The following MYT1L variants were observed in gnomAD, a reference collection of about 807,000 sequenced individuals.
MYT1L encodes the protein myelin transcription factor 1-like protein.
MYT1L carries 12 observed loss-of-function variants against 126.7 expected under a neutral mutation model. That is an observed-to-expected ratio of 0.09 (90% CI 0.06 to 0.15). The LOEUF (loss-of-function observed/expected upper bound fraction) is 0.15. MYT1L is among the 10% of genes least tolerant of loss of function. The pLI is 1.00. For synonymous variants in MYT1L, 541 were observed against 604.2 expected, an observed-to-expected ratio of 0.90 and a Z score of 1.53; for missense variants, 979 against 1,585.2, an observed-to-expected ratio of 0.62 and a Z score of 6.49.
At chr2:1,883,167 A>G (rs527378747) in intron 18 of MYT1L, among the ~76,000 whole-genome samples, 1 of 152,322 alleles carries the variant, frequency 6.6e-6, no homozygotes, top group South Asian at 2.1e-4. Flanking sequence ...TCGTGGTATT[A>G]TAAGATAAAG....
chr2:1,933,741 T>C (rs907767649), intron 9 of MYT1L, among the ~76,000 whole-genome samples: 7 of 152,122 alleles, frequency 4.6e-5, no homozygotes, highest in African/African-American at 1.7e-4. Flanking sequence ...AGGTGTGCTA[T>C]AGAAGGTGAC....
At chr2:2,006,730 C>T (rs538206496) in intron 4 of MYT1L, among the ~76,000 whole-genome samples, 4 of 151,950 alleles carry the variant, frequency 2.6e-5, no homozygotes, top group South Asian at 2.1e-4. Context: ...TGCACATCAC[C>T]ATGCCCGGCT....
At chr2:2,313,547 G>A (rs2149625764) in intron 1 of MYT1L, among the ~76,000 whole-genome samples, 1 of 152,020 alleles carries the variant, frequency 6.6e-6, no homozygotes, top group South Asian at 2.1e-4. Flanking sequence ...GGTATAAGGA[G>A]GAAGATAGAA....
intron 2 of MYT1L, among the ~76,000 whole-genome samples, chr2:2,182,311 T>C (rs1385542499): frequency 2.0e-5 from 3 of 152,208 alleles, no homozygotes; most frequent in Non-Finnish European, 4.4e-5. Context: ...AACCCTTCCA[T>C]TGGAAATCCA....
chr2:1,850,040 G>T (rs1278415495), intron 19 of MYT1L, among the ~76,000 whole-genome samples: 13 of 150,120 alleles, frequency 8.7e-5, no homozygotes, highest in Admixed American at 3.3e-4. Context: ...GTGAGGGGGG[G>T]GCCATTATCC....
chr2:2,074,318 T>C (rs938627249), intron 3 of MYT1L, among the ~76,000 whole-genome samples: 2 of 152,208 alleles, frequency 1.3e-5, no homozygotes, highest in South Asian at 2.1e-4. Flanking sequence ...TCTTAATCAA[T>C]AGAAAAGACA....
At chr2:2,134,851 A>C (rs2148067378) in intron 3 of MYT1L, among the ~76,000 whole-genome samples, 1 of 152,280 alleles carries the variant, frequency 6.6e-6, no homozygotes, top group South Asian at 2.1e-4. Context: ...CATGTATTGC[A>C]AAGGAGGGCA....
intron 3 of MYT1L, among the ~76,000 whole-genome samples, chr2:2,083,955 G>A (rs970615300): frequency 1.3e-5 from 2 of 149,166 alleles, no homozygotes; most frequent in Admixed American, 6.7e-5. Flanking sequence ...AGAAAATTCA[G>A]TTCTTAGAGG....
chr2:2,098,499 T>G (rs929109980), intron 3 of MYT1L, among the ~76,000 whole-genome samples: 1 of 152,148 alleles, frequency 6.6e-6, no homozygotes, highest in Non-Finnish European at 1.5e-5. Flanking sequence ...TCTAGACCAG[T>G]AGGAGATCGT....
At chr2:1,948,872 A>C (rs2149299106) in intron 8 of MYT1L, among the ~76,000 whole-genome samples, 1 of 152,320 alleles carries the variant, frequency 6.6e-6, no homozygotes, top group East Asian at 1.9e-4. Context: ...AATGATGTTT[A>C]CTCACATATC....
intron 3 of MYT1L, among the ~76,000 whole-genome samples, chr2:2,161,819 A>G (rs932662164): frequency 6.6e-6 from 1 of 152,086 alleles, no homozygotes; most frequent in Non-Finnish European, 1.5e-5. Flanking sequence ...TACTTATTAA[A>G]ATTTTTTATA....
At chr2:2,178,478 AG>A (rs1240953469) in intron 2 of MYT1L, among the ~76,000 whole-genome samples, 1 of 152,232 alleles carries the variant, frequency 6.6e-6, no homozygotes, top group Non-Finnish European at 1.5e-5. Context: ...AGAAAAATAG[AG>A]GCAATTAGAA....
At chr2:1,915,927 G>T (rs1040599665) in intron 11 of MYT1L, among the ~76,000 whole-genome samples, 1 of 152,142 alleles carries the variant, frequency 6.6e-6, no homozygotes, top group Non-Finnish European at 1.5e-5. Flanking sequence ...TCGATTGCGG[G>T]TTCAGTGAAC....
chr2:2,113,985 T>G (rs2079859846), intron 3 of MYT1L, among the ~76,000 whole-genome samples: 1 of 151,816 alleles, frequency 6.6e-6, no homozygotes. Flanking sequence ...CTGCCTCCAT[T>G]ACACAGATAG....
At chr2:2,047,499 A>C (rs2068333448) in intron 4 of MYT1L, among the ~76,000 whole-genome samples, 1 of 152,230 alleles carries the variant, frequency 6.6e-6, no homozygotes. Context: ...TCTCCTTCAC[A>C]AGTGAAAAGA....
At chr2:2,036,523 C>T (rs1483150861) in intron 4 of MYT1L, among the ~76,000 whole-genome samples, 1 of 152,220 alleles carries the variant, frequency 6.6e-6, no homozygotes, top group East Asian at 1.9e-4. Context: ...TCTCTGATGT[C>T]TTCTTTTCCA....
At chr2:2,050,880 G>C (rs2068748498) in intron 4 of MYT1L, among the ~76,000 whole-genome samples, 1 of 152,116 alleles carries the variant, frequency 6.6e-6, no homozygotes, top group South Asian at 2.1e-4. Flanking sequence ...ACAATTCCTG[G>C]AGTCTACAGT....
At chr2:1,904,535 AT>A (rs554973072) in intron 13 of MYT1L, among the ~76,000 whole-genome samples, 1 of 150,452 alleles carries the variant, frequency 6.6e-6, no homozygotes, top group Non-Finnish European at 1.5e-5. Flanking sequence ...CACCTGGCTA[AT>A]TTTTTTGCAT....
At chr2:2,113,276 A>G (rs992674771) in intron 3 of MYT1L, among the ~76,000 whole-genome samples, 8 of 152,196 alleles carry the variant, frequency 5.3e-5, no homozygotes, top group Non-Finnish European at 7.3e-5. Flanking sequence ...TGGTCCTCCA[A>G]GCTGCAAAAC....
Sources: allele counts gnomAD v4.1 joint callset (sites outside exome capture counted in the v4.1 genomes callset), GRCh38; gene constraint gnomAD v4.1.1; transcripts MANE v1.5; gene names NCBI Gene and HGNC (gene_info 2026-07-23, HGNC 2026-07-21).